The following LSAMP variants were observed in gnomAD, a reference collection of about 807,000 sequenced individuals.
LSAMP encodes the protein limbic system-associated membrane protein.
Under a neutral mutation model 38.6 loss-of-function variants are expected in LSAMP, and 7 were observed. That is an observed-to-expected ratio of 0.18 (90% CI 0.10 to 0.34). LSAMP has a LOEUF of 0.34. Among genes scored for constraint, LSAMP ranks in the 10% least tolerant of loss-of-function variants. The pLI is 1.00. For missense variants in LSAMP, 313 were observed against 420.0 expected (o/e 0.75, Z 2.23); for synonymous variants, 154 against 166.8 (o/e 0.92, Z 0.59).
chr3:115,838,904 G>A (rs1014359471), intron 6 of LSAMP, among the ~76,000 whole-genome samples: 12 of 152,236 alleles, frequency 7.9e-5, no homozygotes, highest in African/African-American at 2.4e-4. Flanking sequence ...ATGAATAATC[G>A]CCAACTCTTC....
At chr3:116,387,569 C>T (rs2107808389) in intron 1 of LSAMP, among the ~76,000 whole-genome samples, 1 of 152,182 alleles carries the variant, frequency 6.6e-6, no homozygotes, top group Middle Eastern at 3.4e-3. Context: ...AGGTTCCGTA[C>T]ACAAAAGACT....
chr3:115,938,939 G>A (rs1937801765), intron 3 of LSAMP, among the ~76,000 whole-genome samples: 1 of 152,154 alleles, frequency 6.6e-6, no homozygotes, highest in South Asian at 2.1e-4. Context: ...AGGTAGTTGG[G>A]AAACGTCAGT....
chr3:115,963,676 G>C (rs1289079817), intron 3 of LSAMP, among the ~76,000 whole-genome samples: 1 of 152,176 alleles, frequency 6.6e-6, no homozygotes, highest in African/African-American at 2.4e-5. Flanking sequence ...AGACATAAGA[G>C]GTAGAAGCTT....
At chr3:115,858,184 A>G (rs1466966798) in intron 3 of LSAMP, among the ~76,000 whole-genome samples, 2 of 150,646 alleles carry the variant, frequency 1.3e-5, no homozygotes, top group East Asian at 3.9e-4. Context: ...ACACCCCACA[A>G]AAAGCTAGTT....
intron 1 of LSAMP, among the ~76,000 whole-genome samples, chr3:116,308,954 A>G (rs937423391): frequency 3.3e-5 from 5 of 152,116 alleles, no homozygotes; most frequent in Non-Finnish European, 5.9e-5. Context: ...AATTTACAGT[A>G]GCCTATAATT....
chr3:116,093,772 A>G (rs1708171244), intron 1 of LSAMP, among the ~76,000 whole-genome samples: 1 of 152,204 alleles, frequency 6.6e-6, no homozygotes, highest in Non-Finnish European at 1.5e-5. Context: ...CTTTTGTAAG[A>G]TATGGAAAGA....
intron 2 of LSAMP, among the ~76,000 whole-genome samples, chr3:116,050,993 A>G (rs966456296): frequency 3.9e-5 from 6 of 152,216 alleles, no homozygotes; most frequent in African/African-American, 1.4e-4. Context: ...AGCACAGAGT[A>G]CTTGAAATGG....
At chr3:116,392,108 A>G (rs1365640136) in intron 1 of LSAMP, among the ~76,000 whole-genome samples, 1 of 152,176 alleles carries the variant, frequency 6.6e-6, no homozygotes, top group Non-Finnish European at 1.5e-5. Context: ...GCCCAGCAAG[A>G]ACCTGAAGCT....
At chr3:116,264,156 T>C (rs1220979642) in intron 1 of LSAMP, among the ~76,000 whole-genome samples, 2 of 152,166 alleles carry the variant, frequency 1.3e-5, no homozygotes, top group Non-Finnish European at 2.9e-5. Flanking sequence ...GTGTACTAGC[T>C]CATCAAATTA....
intron 2 of LSAMP, among the ~76,000 whole-genome samples, chr3:116,021,684 T>TA (rs1247671318): frequency 6.6e-6 from 1 of 151,524 alleles, no homozygotes; most frequent in Admixed American, 6.6e-5. Context: ...TATGTTCTGA[T>TA]AAAAAAGGCT....
chr3:116,253,806 T>C (rs570404205), intron 1 of LSAMP, among the ~76,000 whole-genome samples: 4 of 152,348 alleles, frequency 2.6e-5, no homozygotes, highest in Admixed American at 2.6e-4. Flanking sequence ...TAGAGTGGTA[T>C]GATTCAAGTT....
intron 3 of LSAMP, among the ~76,000 whole-genome samples, chr3:115,908,612 T>C (rs1937067250): frequency 6.6e-6 from 1 of 152,174 alleles, no homozygotes; most frequent in African/African-American, 2.4e-5. Context: ...GATATTTATA[T>C]AGAACTTATT....
intron 1 of LSAMP, among the ~76,000 whole-genome samples, chr3:116,304,818 T>C (rs533736296): frequency 1.3e-5 from 2 of 152,058 alleles, no homozygotes; most frequent in South Asian, 2.1e-4. Flanking sequence ...CTGAAGTAGA[T>C]TGAACAGAAA....
At chr3:116,109,601 T>C (rs1708551754) in intron 1 of LSAMP, among the ~76,000 whole-genome samples, 1 of 152,156 alleles carries the variant, frequency 6.6e-6, no homozygotes, top group African/African-American at 2.4e-5. Context: ...ATGGAAAAAT[T>C]GAAAGTGCCG....
At chr3:115,847,470 A>C (rs1249258512) in intron 4 of LSAMP, among the ~76,000 whole-genome samples, 2 of 152,216 alleles carry the variant, frequency 1.3e-5, no homozygotes, top group Non-Finnish European at 2.9e-5. Context: ...GACCAGGCCC[A>C]ATACACCTTC....
chr3:116,097,735 CT>C (rs56114651), intron 1 of LSAMP, among the ~76,000 whole-genome samples: 1,598 of 145,486 alleles, frequency 0.011, 18 homozygotes, highest in African/African-American at 0.025. Context: ...CAAAAGAAGT[CT>C]TTTTTTTTTT....
In LSAMP at chr3:115,810,243, CTG is replaced by C. The variant is rs368834242; in HGVS notation, c.*72_*73del. ...CCCATCTCTCTCTCTCTCTCTCTCT[CTG>C]TCTCTCTCTCTCTGTATTCTGTGTG... On this transcript the variant is annotated 3_prime_UTR_variant, in exon 7 of 7. Coordinates refer to ENST00000490035, the MANE Select transcript of LSAMP (RefSeq NM_002338.5). The C allele has an allele frequency of 1.6e-3, 1,490 of 923,950 alleles. 10 individuals carry two copies. In the African/African-American group the frequency reaches 0.018, roughly 11 times the overall value. 57.2% of individuals were successfully genotyped at this position (923,950 alleles called of 1,614,324 possible).
At chr3:115,947,921 G>A (rs932426753) in intron 3 of LSAMP, among the ~76,000 whole-genome samples, 1 of 152,038 alleles carries the variant, frequency 6.6e-6, no homozygotes, top group Non-Finnish European at 1.5e-5. Flanking sequence ...CACTTTCTGG[G>A]GTCAGTCTCA....
intron 3 of LSAMP, among the ~76,000 whole-genome samples, chr3:115,864,413 A>G (rs1935799681): frequency 6.6e-6 from 1 of 152,190 alleles, no homozygotes; most frequent in Non-Finnish European, 1.5e-5. Flanking sequence ...GCTGTATTTT[A>G]TAGCTGACTA....
Sources: allele counts gnomAD v4.1 joint callset (sites outside exome capture counted in the v4.1 genomes callset), GRCh38; gene constraint gnomAD v4.1.1; transcripts MANE v1.5; gene names NCBI Gene and HGNC (gene_info 2026-07-23, HGNC 2026-07-21).